Variants in HPSE2 observed in about 807,000 individuals in gnomAD.
HPSE2 encodes heparanase 2 (inactive).
Under a neutral mutation model 60.5 loss-of-function variants are expected in HPSE2, and 38 were observed. The observed-to-expected ratio is 0.63, with a 90% CI of 0.48 to 0.82. HPSE2 has a LOEUF of 0.82. HPSE2 is among the 40% of genes least tolerant of loss of function. HPSE2 has a pLI of 0.00. For missense variants in HPSE2, 713 were observed against 740.4 expected (o/e 0.96, Z 0.43); for synonymous variants, 295 against 293.2 (o/e 1.01, Z -0.06).
chr10:98,885,468 T>G (rs1384419677), intron 3 of HPSE2, among the ~76,000 whole-genome samples: 1 of 152,150 alleles, frequency 6.6e-6, no homozygotes, highest in African/African-American at 2.4e-5. Flanking sequence ...AGCAGCATCA[T>G]GTGCTACAGA....
At position 99,010,668 on chromosome 10, in the gene HPSE2, G is replaced by C. The variant is rs1589511552; in HGVS notation, c.610+133570C>G. On this transcript the variant is annotated intron_variant, in intron 3 of 11. Coordinates refer to ENST00000370552, the MANE Select transcript of HPSE2 (RefSeq NM_021828.5). Reference sequence around the variant, plus strand: ...ACTGAAAAGGGAAATCAAGGTAGTAGATTAGCTCAGATAACCTCTGAGAAG... The same window carrying C: ...ACTGAAAAGGGAAATCAAGGTAGTACATTAGCTCAGATAACCTCTGAGAAG... 3.3e-5 allele frequency among the ~76,000 whole-genome samples: 5 copies of C among 152,244 alleles called. No individual in the cohort carries two copies. In the South Asian group the frequency reaches 1.0e-3, roughly 32 times the overall value.
intron 3 of HPSE2, among the ~76,000 whole-genome samples, chr10:99,027,038 A>G (rs1319877412): frequency 6.6e-6 from 1 of 152,132 alleles, no homozygotes. Context: ...CAAATGAAAA[A>G]TCTAATAATG....
chr10:99,054,015 C>T (rs193292085), intron 3 of HPSE2, among the ~76,000 whole-genome samples: 11 of 151,830 alleles, frequency 7.2e-5, no homozygotes, highest in East Asian at 5.8e-4. Flanking sequence ...GGATTATAGG[C>T]GTGAGCCACT....
chr10:99,150,550 G>T (rs975741467), intron 2 of HPSE2, among the ~76,000 whole-genome samples: 5 of 152,134 alleles, frequency 3.3e-5, no homozygotes, highest in Non-Finnish European at 5.9e-5. Context: ...CAAACTCCTT[G>T]TCTCAAACAA....
intron 3 of HPSE2, among the ~76,000 whole-genome samples, chr10:98,958,748 G>A (rs1161482242): frequency 6.6e-6 from 1 of 152,066 alleles, no homozygotes; most frequent in Non-Finnish European, 1.5e-5. Flanking sequence ...ATACTTATAT[G>A]CCACATGGGG....
intron 3 of HPSE2, among the ~76,000 whole-genome samples, chr10:98,957,758 G>C (rs1955547089): frequency 6.6e-6 from 1 of 152,104 alleles, no homozygotes; most frequent in African/African-American, 2.4e-5. Context: ...GATCATGTAG[G>C]CATGCCATGA....
chr10:98,713,344 CTGAG>C (rs1948718563), intron 5 of HPSE2, among the ~76,000 whole-genome samples: 1 of 151,912 alleles, frequency 6.6e-6, no homozygotes, highest in South Asian at 2.1e-4. Context: ...CTTCTGGCAA[CTGAG>C]TGAACAGATA....
chr10:98,559,017 C>G (rs541057285), intron 9 of HPSE2, among the ~76,000 whole-genome samples: 2 of 152,094 alleles, frequency 1.3e-5, no homozygotes, highest in East Asian at 1.9e-4. Flanking sequence ...GGAATCGAAG[C>G]CTCTCTGTCT....
intron 4 of HPSE2, among the ~76,000 whole-genome samples, chr10:98,723,425 C>CT (rs1239868187): frequency 2.0e-5 from 3 of 152,020 alleles, no homozygotes; most frequent in African/African-American, 4.8e-5. Flanking sequence ...CTAAAATTCT[C>CT]TTTTTTTGTC....
intron 3 of HPSE2, among the ~76,000 whole-genome samples, chr10:98,987,962 G>A (rs543565667): frequency 1.3e-5 from 2 of 152,298 alleles, no homozygotes; most frequent in East Asian, 3.9e-4. Flanking sequence ...TCTTCAAGGA[G>A]AACTACAAAC....
rs138247463 is a variant in HPSE2 at position 99,116,015 on chromosome 10, T to C, written c.610+28223A>G. 2.0e-5 allele frequency among the ~76,000 whole-genome samples: 3 copies of C among 152,278 alleles called. No homozygotes were observed. In the East Asian group the frequency reaches 5.8e-4, roughly 29 times the overall value. ...TGTTCAGCTCAACTTCATTTTAGGGTAATCAGAAAGAATTCTAATACCAAC... is the reference window on the plus strand; with the variant it reads ...TGTTCAGCTCAACTTCATTTTAGGGCAATCAGAAAGAATTCTAATACCAAC... On this transcript the variant is annotated intron_variant, in intron 3 of 11. Transcript: ENST00000370552.
chr10:99,300,371 G>C, the HPSE2 span, among the ~76,000 whole-genome samples: 1 of 152,250 alleles, frequency 6.6e-6, no homozygotes, highest in African/African-American at 2.4e-5. Context: ...ACTCCTGATG[G>C]AACAGGCAAA....
chr10:99,213,952 T>C (rs935865981), intron 2 of HPSE2, among the ~76,000 whole-genome samples: 5 of 152,174 alleles, frequency 3.3e-5, no homozygotes, highest in Admixed American at 1.3e-4. Flanking sequence ...TTGTAAATCA[T>C]ATGTTTGATA....
At position 98,792,211 on chromosome 10, in the gene HPSE2, T is replaced by C. The variant is rs972931563; in HGVS notation, c.611-48155A>G. Among the ~76,000 whole-genome samples, 29 of 152,184 alleles carry C rather than the reference T, an allele frequency of 1.9e-4. 1 individual carries two copies. Among genetic ancestry groups the C allele is most frequent in the Admixed American group, 1.8e-3 (27 of 15,276 alleles). On this transcript the variant is annotated intron_variant, in intron 3 of 11. Coordinates refer to ENST00000370552, the MANE Select transcript of HPSE2 (RefSeq NM_021828.5). ...TCTCACCACACAATCAAAAGGTTTT[T>C]TTTTTCAGCCAATAAATCTAATCTG...
At chr10:98,717,853 G>A (rs746172418) in intron 5 of HPSE2, among the ~76,000 whole-genome samples, 26 of 152,172 alleles carry the variant, frequency 1.7e-4, no homozygotes, top group South Asian at 4.2e-4. Flanking sequence ...TATGTGAAGC[G>A]CAATAAATAT....
chr10:98,546,823 G>C (rs1435201852), intron 9 of HPSE2, among the ~76,000 whole-genome samples: 2 of 150,700 alleles, frequency 1.3e-5, no homozygotes, highest in Non-Finnish European at 3.0e-5. Flanking sequence ...TTAAACTCAA[G>C]AGCTTCTGCA....
At chr10:98,705,535 A>C (rs1948524515) in intron 5 of HPSE2, among the ~76,000 whole-genome samples, 1 of 152,234 alleles carries the variant, frequency 6.6e-6, no homozygotes. Flanking sequence ...GACTAAATAA[A>C]GAAAATGTGG....
intron 7 of HPSE2, among the ~76,000 whole-genome samples, chr10:98,625,321 G>T (rs1176844305): frequency 6.6e-6 from 1 of 152,202 alleles, no homozygotes; most frequent in East Asian, 1.9e-4. Context: ...AGAGCAACAT[G>T]CTTATTTGCC....
At chr10:99,216,325 G>A (rs575674660) in intron 2 of HPSE2, among the ~76,000 whole-genome samples, 53 of 150,876 alleles carry the variant, frequency 3.5e-4, no homozygotes, top group African/African-American at 1.2e-3. Flanking sequence ...CTCCTGAGTA[G>A]CTTGGATTAC....
Sources: gnomAD v4.1 joint callset for allele counts (sites outside exome capture counted in the v4.1 genomes callset) on GRCh38, gnomAD v4.1.1 for gene constraint, MANE v1.5 for transcripts, NCBI Gene and HGNC (gene_info 2026-07-23, HGNC 2026-07-21) for gene names.